Variants in TRPM3 observed in about 807,000 individuals in gnomAD.
TRPM3 encodes long transient receptor potential channel 3.
Under a neutral mutation model 181.2 loss-of-function variants are expected in TRPM3, and 77 were observed. The ratio of observed to expected loss-of-function variants is 0.42; its 90% confidence interval spans 0.35 to 0.51. TRPM3 has a LOEUF of 0.51. TRPM3 is among the 20% of genes least tolerant of loss of function. TRPM3 has a pLI of 0.01. For missense variants in TRPM3, 1,759 were observed against 2,196.7 expected (o/e 0.80, Z 3.98); for synonymous variants, 745 against 796.4 (o/e 0.94, Z 1.09).
At chr9:70,869,769 C>A (rs185905952) in intron 1 of TRPM3, among the ~76,000 whole-genome samples, 1 of 151,926 alleles carries the variant, frequency 6.6e-6, no homozygotes, top group African/African-American at 2.4e-5. Context: ...GAGCTGTGAC[C>A]ACGGTGGCCT....
Position 70,640,657 on chromosome 9 carries a change from G to A in TRPM3, c.1349C>T (p.Ala450Val). The A allele has an allele frequency of 6.2e-7, 1 of 1,612,888 alleles. No homozygotes were observed. Among genetic ancestry groups the A allele is most frequent in the Non-Finnish European group, 8.5e-7 (1 of 1,179,336 alleles). ...CAGTTGGTCTGGGGCCGAGGCATTG[G>A]CTCCTGTGTGAGGACAAGTGGGAGA... Reference protein sequence around the residue: ...LAILTALLKGANASAPDQLSL... With the variant: ...LAILTALLKGVNASAPDQLSL... The change falls in exon 10 of 26, where the codon GCC becomes GTC. Residue 450 changes from alanine (A) to valine (V), a missense_variant. Physicochemically the swap from Ala to Val is moderately conservative, Grantham distance 64. This residue lies in a region of TRPM3 where 737 missense variants were observed against 957.4 expected (regional missense o/e 0.77). Coordinates refer to ENST00000677713, the MANE Select transcript of TRPM3 (RefSeq NM_001366145.2).
intron 1 of TRPM3, among the ~76,000 whole-genome samples, chr9:70,958,022 G>A (rs2097097008): frequency 6.6e-6 from 1 of 152,202 alleles, no homozygotes; most frequent in African/African-American, 2.4e-5. Flanking sequence ...TATGAAATTA[G>A]ACATGGAACC....
intron 1 of TRPM3, among the ~76,000 whole-genome samples, chr9:71,338,032 G>A (rs546698135): frequency 4.0e-5 from 6 of 151,542 alleles, no homozygotes; most frequent in Admixed American, 1.3e-4. Context: ...GTATACCTAC[G>A]TAACAAACCT....
At chr9:70,923,997 A>ATC (rs1342543568) in intron 1 of TRPM3, among the ~76,000 whole-genome samples, 1 of 151,396 alleles carries the variant, frequency 6.6e-6, no homozygotes, top group Non-Finnish European at 1.5e-5. Flanking sequence ...CTATTTATCT[A>ATC]TCTATATATA....
intron 1 of TRPM3, among the ~76,000 whole-genome samples, chr9:71,047,782 C>T (rs2059607358): frequency 6.7e-6 from 1 of 149,356 alleles, no homozygotes; most frequent in South Asian, 2.2e-4. Flanking sequence ...AAAATCATTG[C>T]TTTCAAGATA....
intron 6 of TRPM3, among the ~76,000 whole-genome samples, chr9:70,817,207 C>A (rs1317689148): frequency 6.6e-6 from 1 of 152,170 alleles, no homozygotes; most frequent in East Asian, 1.9e-4. Flanking sequence ...AAGGTGTTAG[C>A]ATGTGACAAA....
intron 1 of TRPM3, among the ~76,000 whole-genome samples, chr9:70,975,661 A>T (rs1008138912): frequency 4.6e-5 from 7 of 152,156 alleles, no homozygotes; most frequent in African/African-American, 1.7e-4. Flanking sequence ...AAGGTTAAAG[A>T]TTTGCATTCT....
At chr9:70,805,648 C>T (rs2090527287) in intron 6 of TRPM3, among the ~76,000 whole-genome samples, 1 of 151,230 alleles carries the variant, frequency 6.6e-6, no homozygotes, top group Non-Finnish European at 1.5e-5. Context: ...GTGACATTTC[C>T]TACATACCTA....
intron 9 of TRPM3, among the ~76,000 whole-genome samples, chr9:70,672,080 C>T (rs1158759835): frequency 6.6e-6 from 1 of 152,016 alleles, no homozygotes; most frequent in African/African-American, 2.4e-5. Context: ...CTTTTAGTTG[C>T]TTTTAGTCTT....
rs372085951 is a variant in TRPM3 at position 70,679,622 on chromosome 9, A to C, written c.1345+1884T>G. Among the ~76,000 whole-genome samples, 4 of 152,266 alleles carry C rather than the reference A, an allele frequency of 2.6e-5. No individual in the cohort carries two copies. The East Asian group carries it at 7.7e-4, about 29-fold the overall frequency. On this transcript the variant is annotated intron_variant, in intron 9 of 25. Transcript: ENST00000677713. The stretch of plus-strand genomic sequence containing the variant: ...TGGGGTCAGACTGTCTCTACCATTT[A>C]ATGGTCAACTTATCTTGAGCATGTT...
intron 1 of TRPM3, among the ~76,000 whole-genome samples, chr9:71,293,348 C>T (rs1164201279): frequency 6.6e-6 from 1 of 151,776 alleles, no homozygotes; most frequent in Non-Finnish European, 1.5e-5. Context: ...AGAAATAAAA[C>T]ATCCATTATT....
intron 1 of TRPM3, among the ~76,000 whole-genome samples, chr9:71,082,878 A>G (rs1179534814): frequency 2.0e-5 from 3 of 152,188 alleles, no homozygotes; most frequent in Non-Finnish European, 2.9e-5. Context: ...AAACTGTAAG[A>G]GACTTTAGAA....
rs116468838 is a variant in TRPM3 at position 71,440,848 on chromosome 9, C to A, written c.183+5805G>T. Among the ~76,000 whole-genome samples the A allele has an allele frequency of 7.6e-3, 1,164 of 152,254 alleles. 20 individuals carry two copies. The highest frequency in any genetic ancestry group is 0.027 in the African/African-American group (1,105 of 41,542). ...TGAAAGAAATAAAAAGTAAAAGCAA[C>A]ACATGGAAGACCATCACAGCTGGTC... On this transcript the variant is annotated intron_variant, in intron 1 of 24. Transcript: ENST00000357533.
chr9:70,775,929 C>T (rs996166399), intron 7 of TRPM3: 2 of 152,484 alleles, frequency 1.3e-5, no homozygotes, highest in Admixed American at 1.3e-4. Context: ...TTAACATATG[C>T]ATTAACTCAC....
At chr9:71,424,234 T>C (rs534941401) in intron 1 of TRPM3, among the ~76,000 whole-genome samples, 6 of 152,304 alleles carry the variant, frequency 3.9e-5, no homozygotes, top group Non-Finnish European at 8.8e-5. Flanking sequence ...GTTTTAAATT[T>C]GCATTTTTGT....
intron 1 of TRPM3, among the ~76,000 whole-genome samples, chr9:71,174,449 G>C (rs956564858): frequency 6.6e-6 from 1 of 152,142 alleles, no homozygotes; most frequent in Non-Finnish European, 1.5e-5. Flanking sequence ...GGCTGAAGCA[G>C]GAGAATCAGT....
chr9:70,625,146 C>A lies in TRPM3; in HGVS notation c.1809+45G>T, dbSNP rs1420776082. The A allele has an allele frequency of 1.2e-6, 2 of 1,610,938 alleles. No homozygotes were observed. Among genetic ancestry groups the A allele is most frequent in the South Asian group, 1.1e-5 (1 of 90,680 alleles). On this transcript the variant is annotated intron_variant, in intron 14 of 25. Coordinates refer to ENST00000677713, the MANE Select transcript of TRPM3 (RefSeq NM_001366145.2). The surrounding 1 kb of genome is among the most constrained non-coding windows in gnomAD (Gnocchi z 4.8). ...GAAGCCACAACCCAAATCCCATACA[C>A]CCTAGTCCTCCCAGGAAGGGCCCCG...
chr9:71,131,002 A>G (rs985372615), intron 1 of TRPM3, among the ~76,000 whole-genome samples: 1 of 152,204 alleles, frequency 6.6e-6, no homozygotes, highest in South Asian at 2.1e-4. Context: ...AAACACCACA[A>G]TTAAAATAGA....
intron 21 of TRPM3, among the ~76,000 whole-genome samples, chr9:70,596,788 A>T (rs10521439): frequency 0.18 from 26,565 of 151,242 alleles, 2,649 homozygotes; most frequent in East Asian, 0.25. Flanking sequence ...GAAGTGAAAG[A>T]TATTAGCAAA....
Sources: gnomAD v4.1 joint callset for allele counts (sites outside exome capture counted in the v4.1 genomes callset) on GRCh38, gnomAD v4.1.1 for gene constraint, gnomAD v4.1.1 regional missense constraint, Gnocchi (gnomAD v3.1) non-coding constraint, MANE v1.5 for transcripts, NCBI Gene and HGNC (gene_info 2026-07-23, HGNC 2026-07-21) for gene names.